UBE2Q2: variants seen among roughly 807,000 people sequenced by gnomAD.
The protein encoded by UBE2Q2 is ubiquitin conjugating enzyme E2 Q2.
UBE2Q2 carries 54 observed loss-of-function variants against 59.9 expected under a neutral mutation model. The observed-to-expected ratio is 0.90, with a 90% CI of 0.72 to 1.13. The LOEUF (loss-of-function observed/expected upper bound fraction) is 1.13, where lower values mean the gene tolerates loss of function less well. UBE2Q2 is among the 50% of genes most tolerant of loss of function. UBE2Q2 has a pLI of 0.00. For missense variants in UBE2Q2, 433 were observed against 441.9 expected, an observed-to-expected ratio of 0.98 and a Z score of 0.18; for synonymous variants, 165 against 155.2, an observed-to-expected ratio of 1.06 and a Z score of -0.47.
intron 3 of UBE2Q2, among the ~76,000 whole-genome samples, chr15:75,865,414 C>T (rs1157339478): frequency 1.3e-5 from 2 of 152,168 alleles, no homozygotes; most frequent in African/African-American, 4.8e-5. Flanking sequence ...TACCATTTAT[C>T]CCCTTGACTG....
chr15:75,844,493 T>C (rs962006855), intron 1 of UBE2Q2: 1 of 1,551,032 alleles, frequency 6.4e-7, no homozygotes, highest in African/African-American at 1.4e-5. Context: ...CAGGTGGTGT[T>C]GAGTGTGTAT....
At chr15:75,848,579 A>G (rs908614416) in intron 1 of UBE2Q2, among the ~76,000 whole-genome samples, 1 of 152,094 alleles carries the variant, frequency 6.6e-6, no homozygotes, top group Non-Finnish European at 1.5e-5. Flanking sequence ...CCCCATTTTT[A>G]TACCTGTCCT....
Position 75,879,164 on chromosome 15 carries a change from T to C in UBE2Q2, c.801T>C (p.Tyr267=). 6.3e-7 allele frequency: 1 copy of C among 1,599,508 alleles called. No individual in the cohort carries two copies. Among genetic ancestry groups the C allele is most frequent in the Non-Finnish European group, 8.5e-7 (1 of 1,173,056 alleles). ...TAAAAGAAAAAGAAGGCATAGAATA[T>C]ATTTTGCTTAACTTCTCTTTTAAGG... The part of the protein sequence containing the change: ...QILKEKEGIE[Y]ILLNFSFKDN... The change falls in exon 8 of 13, where the codon TAT becomes TAC. Residue 267 remains tyrosine, a synonymous_variant. Coordinates refer to ENST00000267938, the MANE Select transcript of UBE2Q2 (RefSeq NM_173469.4).
intron 4 of UBE2Q2, among the ~76,000 whole-genome samples, chr15:75,870,082 T>G (rs1897703739): frequency 6.6e-6 from 1 of 152,116 alleles, no homozygotes; most frequent in Admixed American, 6.5e-5. Context: ...CTTGTTTTGT[T>G]TTTTTGAGAC....
At chr15:75,865,135 C>T (rs747806524) in intron 3 of UBE2Q2, among the ~76,000 whole-genome samples, 1 of 152,264 alleles carries the variant, frequency 6.6e-6, no homozygotes, top group Non-Finnish European at 1.5e-5. Context: ...GAACATTGCT[C>T]GCACTACAGA....
chr15:75,848,763 T>C (rs184279135), intron 1 of UBE2Q2, among the ~76,000 whole-genome samples: 1 of 152,274 alleles, frequency 6.6e-6, no homozygotes, highest in African/African-American at 2.4e-5. Flanking sequence ...TGAATGGAGA[T>C]AGTCACTGCC....
intron 11 of UBE2Q2, among the ~76,000 whole-genome samples, chr15:75,891,520 C>G (rs1029148077): frequency 2.0e-5 from 3 of 150,524 alleles, no homozygotes; most frequent in African/African-American, 7.3e-5. Context: ...TAACTCAATC[C>G]TCTTAATAAC....
intron 8 of UBE2Q2, among the ~76,000 whole-genome samples, chr15:75,882,779 C>G (rs1331052977): frequency 6.6e-6 from 1 of 151,948 alleles, no homozygotes; most frequent in African/African-American, 2.4e-5. Flanking sequence ...TTAAAGCTGG[C>G]TGTCATTCCC....
At chr15:75,863,132 C>T (rs1897279765) in intron 3 of UBE2Q2, among the ~76,000 whole-genome samples, 1 of 152,158 alleles carries the variant, frequency 6.6e-6, no homozygotes, top group Non-Finnish European at 1.5e-5. Context: ...ACAGTCTTGC[C>T]TATCTGTCCC....
chr15:75,883,287 G>A (rs958230547), intron 8 of UBE2Q2, 79 bp from the exon 9 acceptor site: 1 of 1,313,334 alleles, frequency 7.6e-7, no homozygotes, highest in Non-Finnish European at 1.1e-6. Context: ...ATTCTTTATA[G>A]TATCTTTTAA....
At position 75,869,075 on chromosome 15, in the gene UBE2Q2, C is replaced by T. The variant is rs549190463; in HGVS notation, c.447+65C>T. On this transcript the variant is annotated intron_variant, in intron 4 of 12. Coordinates refer to ENST00000267938, the MANE Select transcript of UBE2Q2 (RefSeq NM_173469.4). ...CATTTTTGAACATTTGAGTAATTCT[C>T]AAATCTTTTTTATAGACTACTATTA... is the stretch of plus-strand genomic sequence containing the variant. 2.7e-3 allele frequency: 3,766 copies of T among 1,374,794 alleles called. 11 individuals are homozygous for T. The highest frequency in any genetic ancestry group is 3.6e-3 in the Non-Finnish European group (3,596 of 991,138). 85.2% of individuals were successfully genotyped at this position (1,374,794 alleles called of 1,614,324 possible). A position where few individuals can be genotyped will look rare whatever the true frequency, so the allele number is the denominator to read the frequency against.
chr15:75,861,962 T>C (rs1897227221), intron 3 of UBE2Q2, among the ~76,000 whole-genome samples: 1 of 152,220 alleles, frequency 6.6e-6, no homozygotes, highest in Non-Finnish European at 1.5e-5. Flanking sequence ...TTGGTGTTTC[T>C]TCATCTGGCC....
Position 75,883,667 on chromosome 15 carries a change from G to A in UBE2Q2, c.884+243G>A, listed in dbSNP as rs370683535. On this transcript the variant is annotated intron_variant, in intron 9 of 12. Coordinates refer to ENST00000267938, the MANE Select transcript of UBE2Q2 (RefSeq NM_173469.4). Reference sequence around the variant, plus strand: ...AAACATTTGGAGAGCTAGTCCCAGGGTTTCTGATTCAGTAGGTCTGTGGTG... The same window carrying A: ...AAACATTTGGAGAGCTAGTCCCAGGATTTCTGATTCAGTAGGTCTGTGGTG... 6.6e-5 allele frequency among the ~76,000 whole-genome samples: 10 copies of A among 151,838 alleles called. 1 individual carries two copies. Among genetic ancestry groups the A allele is most frequent in the African/African-American group, 2.2e-4 (9 of 41,302 alleles).
intron 1 of UBE2Q2, among the ~76,000 whole-genome samples, chr15:75,853,888 A>G (rs537356404): frequency 4.1e-4 from 63 of 152,232 alleles, no homozygotes; most frequent in South Asian, 6.2e-4. Flanking sequence ...GAGGCCTTTT[A>G]TAATACCTCG....
chr15:75,876,034 C>T (rs1898057040), intron 5 of UBE2Q2, among the ~76,000 whole-genome samples, 153 bp from the exon 6 acceptor site: 1 of 143,188 alleles, frequency 7.0e-6, no homozygotes, highest in Non-Finnish European at 1.5e-5. Flanking sequence ...CACTGCACTC[C>T]AGCCTGGGTA....
Position 75,876,277 on chromosome 15 carries a change from G to A in UBE2Q2, c.673+6G>A, listed in dbSNP as rs976434988. 22 of 1,606,294 alleles carry A rather than the reference G, an allele frequency of 1.4e-5. No homozygotes were observed. Among genetic ancestry groups the A allele is most frequent in the Non-Finnish European group, 1.8e-5 (21 of 1,174,046 alleles). On this transcript the variant is annotated splice_donor_region_variant and intron_variant, in intron 6 of 12. Transcript: ENST00000267938. Reference sequence around the variant, plus strand: ...ATCACAGAGTTATAAAACAGGTAAGGATCTCTGGATCCCTGCTCTCTTTAT... The same window carrying A: ...ATCACAGAGTTATAAAACAGGTAAGAATCTCTGGATCCCTGCTCTCTTTAT...
intron 2 of UBE2Q2, among the ~76,000 whole-genome samples, 165 bp downstream of exon 2, chr15:75,854,652 C>T (rs1218144657): frequency 6.6e-6 from 1 of 151,974 alleles, no homozygotes; most frequent in Non-Finnish European, 1.5e-5. Flanking sequence ...TATTTACTAC[C>T]TGGTCTCTCT....
intron 5 of UBE2Q2, 149 bp downstream of exon 5, chr15:75,873,717 G>A: frequency 2.2e-6 from 2 of 913,074 alleles, no homozygotes; most frequent in Non-Finnish European, 3.3e-6. Flanking sequence ...TTTTAAAACA[G>A]GGTCTTGCTC....
chr15:75,888,656 A>G (rs542535615), intron 9 of UBE2Q2, among the ~76,000 whole-genome samples: 36 of 152,332 alleles, frequency 2.4e-4, no homozygotes, highest in African/African-American at 8.7e-4. Context: ...ACAGAAGTAG[A>G]ATCGGCCACT....
Sources: gnomAD v4.1 joint callset for allele counts (sites outside exome capture counted in the v4.1 genomes callset) on GRCh38, gnomAD v4.1.1 for gene constraint, MANE v1.5 for transcripts, NCBI Gene and HGNC (gene_info 2026-07-23, HGNC 2026-07-21) for gene names.